The following LTBP1 variants were observed in gnomAD, a reference collection of about 807,000 sequenced individuals.
The protein encoded by LTBP1 is latent transforming growth factor beta binding protein 1.
A neutral mutation model predicts 207.6 loss-of-function variants in LTBP1; 129 were observed. The ratio of observed to expected loss-of-function variants is 0.62; its 90% CI spans 0.54 to 0.72. The LOEUF is 0.72. LTBP1 is among the 30% of genes least tolerant of loss of function. The pLI, the probability that LTBP1 is intolerant of heterozygous loss-of-function variation, is 0.00. For missense variants in LTBP1, 2,281 were observed against 2,217.2 expected, an observed-to-expected ratio of 1.03 and a Z score of -0.58; for synonymous variants, 963 against 833.7, an observed-to-expected ratio of 1.16 and a Z score of -2.67.
intron 7 of LTBP1, among the ~76,000 whole-genome samples, chr2:33,214,852 C>T (rs955547674): frequency 6.7e-6 from 1 of 150,232 alleles, no homozygotes; most frequent in Admixed American, 6.6e-5. Context: ...CCCAGAATTA[C>T]GTGTTTTTTC....
At position 33,222,115 on chromosome 2, in the gene LTBP1, C is replaced by T; in HGVS notation, c.1840C>T (p.Pro614Ser). 6.2e-7 allele frequency: 1 copy of T among 1,612,882 alleles called. No individual in the cohort carries two copies. Among genetic ancestry groups the T allele is most frequent in the Non-Finnish European group, 8.5e-7 (1 of 1,178,860 alleles). Reference protein sequence around the residue: ...HGYNQMMECLPGYKRVNNTFC... With the variant: ...HGYNQMMECLSGYKRVNNTFC... ...ATACAACCAAATGATGGAATGCCTA[C>T]CGGGTTATAAGCGGGTTAACAACAC... Residue 614 changes from proline to serine, a missense_variant, in exon 9 of 34, where the codon CCG becomes TCG. By Grantham distance (74) the Pro-to-Ser change is moderately conservative (BLOSUM62 -1). Around this residue, in one of 3 missense-constraint regions of LTBP1, gnomAD observed 1,671 missense variants for 1,634.8 expected, o/e 1.02. Coordinates refer to ENST00000404816, the MANE Select transcript of LTBP1 (RefSeq NM_206943.4).
chr2:33,362,826 T>A (rs114513505), intron 28 of LTBP1, among the ~76,000 whole-genome samples: 76 of 152,304 alleles, frequency 5.0e-4, no homozygotes, highest in African/African-American at 1.8e-3. Context: ...TCATCCTTCC[T>A]CTCTTATTAG....
At chr2:33,397,524 T>TTTTTGG (rs2095369842) in intron 33 of LTBP1, among the ~76,000 whole-genome samples, 1 of 148,852 alleles carries the variant, frequency 6.7e-6, no homozygotes, top group Non-Finnish European at 1.5e-5. Flanking sequence ...TTTTTTTTTT[T>TTTTTGG]GAGATGGAGT....
At chr2:32,959,624 T>A (rs866821747) in intron 2 of LTBP1, among the ~76,000 whole-genome samples, 1,111 of 110,264 alleles carry the variant, frequency 0.01, 21 homozygotes, top group African/African-American at 0.025. Flanking sequence ...TATATATATT[T>A]TTTTTTTTTT....
intron 3 of LTBP1, among the ~76,000 whole-genome samples, chr2:33,026,289 T>C (rs1283517251): frequency 6.6e-6 from 1 of 152,158 alleles, no homozygotes; most frequent in Non-Finnish European, 1.5e-5. Context: ...CTCCCAGGTT[T>C]CTCTTGTGTG....
intron 11 of LTBP1, among the ~76,000 whole-genome samples, chr2:33,254,087 G>A (rs1027557126): frequency 2.0e-5 from 3 of 151,952 alleles, no homozygotes; most frequent in South Asian, 2.1e-4. Context: ...TAGAGACGGA[G>A]TTTGACTGTG....
At chr2:33,153,774 G>T (rs758604228) in intron 5 of LTBP1, among the ~76,000 whole-genome samples, 3 of 152,044 alleles carry the variant, frequency 2.0e-5, no homozygotes, top group Non-Finnish European at 2.9e-5. Flanking sequence ...TCTTCACATG[G>T]AATTAAAGAA....
intron 2 of LTBP1, among the ~76,000 whole-genome samples, chr2:32,952,621 TTTGCCTCC>T (rs1348842505): frequency 2.0e-5 from 3 of 152,212 alleles, no homozygotes; most frequent in Non-Finnish European, 4.4e-5. Context: ...GTGTAACATT[TTTGCCTCC>T]TATCATTTTT....
chr2:32,948,787 G>T, intron 1 of LTBP1, 88 bp from the exon 2 acceptor site: 1 of 1,235,548 alleles, frequency 8.1e-7, no homozygotes, highest in East Asian at 2.3e-5. Context: ...GAAGCTGGAG[G>T]CTGGCCTTTC....
intron 17 of LTBP1, among the ~76,000 whole-genome samples, chr2:33,275,351 A>G (rs2093403844): frequency 6.6e-6 from 1 of 152,222 alleles, no homozygotes; most frequent in South Asian, 2.1e-4. Flanking sequence ...TCAAAACTGG[A>G]TGATTTTGAT....
intron 24 of LTBP1, chr2:33,317,746 C>G (rs894610566): frequency 6.6e-6 from 1 of 152,184 alleles, no homozygotes; most frequent in African/African-American, 2.4e-5. Context: ...CTGACCTGCC[C>G]GGCTCTAAGC....
chr2:33,398,578 C>A lies in LTBP1; in HGVS notation c.*33C>A, dbSNP rs748497733. 2 of 1,584,854 alleles carry A rather than the reference C, an allele frequency of 1.3e-6. No homozygotes were observed. The highest frequency in any genetic ancestry group is 1.1e-5 in the South Asian group (1 of 87,528). On this transcript the variant is annotated 3_prime_UTR_variant, in exon 34 of 34. Coordinates refer to ENST00000404816, the MANE Select transcript of LTBP1 (RefSeq NM_206943.4). ...TCTACATAACCTAAGCCCATATACTCTGCACTGTGTAAAGGAAAAGGGAGA... is the reference window on the plus strand; with the variant it reads ...TCTACATAACCTAAGCCCATATACTATGCACTGTGTAAAGGAAAAGGGAGA...
rs553644410 is a variant in LTBP1 at position 33,307,163 on chromosome 2, A to G, written c.3482-2271A>G. ...TGTAGAGCTGTCAGAGTAAATGTGG[A>G]ACAATCGGAGTTCTCATATGTTTCC... On this transcript the variant is annotated intron_variant, in intron 22 of 33. Coordinates refer to ENST00000404816, the MANE Select transcript of LTBP1 (RefSeq NM_206943.4). 1.4e-3 allele frequency among the ~76,000 whole-genome samples: 210 copies of G among 152,346 alleles called. 1 individual carries two copies. Among genetic ancestry groups the G allele is most frequent in the African/African-American group, 4.5e-3 (187 of 41,580 alleles).
chr2:32,977,699 C>T (rs1333825901), intron 2 of LTBP1, among the ~76,000 whole-genome samples: 4 of 152,178 alleles, frequency 2.6e-5, no homozygotes. Flanking sequence ...TGTGAATCCC[C>T]TGAGGGGCTC....
At chr2:32,961,115 T>C (rs1032189693) in intron 2 of LTBP1, among the ~76,000 whole-genome samples, 2 of 152,232 alleles carry the variant, frequency 1.3e-5, no homozygotes, top group Admixed American at 1.3e-4. Flanking sequence ...TAGATCACTT[T>C]GATTGCTATT....
chr2:33,181,270 T>C (rs1295064387), intron 5 of LTBP1, among the ~76,000 whole-genome samples: 2 of 152,188 alleles, frequency 1.3e-5, no homozygotes, highest in Non-Finnish European at 2.9e-5. Context: ...TTTTAGAAAA[T>C]TCAGTTTGCC....
intron 3 of LTBP1, among the ~76,000 whole-genome samples, chr2:33,073,492 C>T (rs1371357829): frequency 6.6e-6 from 1 of 152,102 alleles, no homozygotes; most frequent in Non-Finnish European, 1.5e-5. Flanking sequence ...AACTGCAACG[C>T]TTTTTGAAGA....
intron 3 of LTBP1, among the ~76,000 whole-genome samples, chr2:33,043,228 G>T (rs1356100321): frequency 6.6e-6 from 1 of 152,104 alleles, no homozygotes; most frequent in Non-Finnish European, 1.5e-5. Context: ...TAAAGTAGTG[G>T]GATTGAGCCC....
In LTBP1 at chr2:33,263,374, G is replaced by A; in HGVS notation, c.2599G>A (p.Ala867Thr). 6.2e-7 allele frequency: 1 copy of A among 1,613,546 alleles called. No homozygotes were observed. ...TACGTCTAGTGCCAGCCAAGTGATTGCTCCTACTCAAGTGACAGGTTGGTG... is the reference window on the plus strand; with the variant it reads ...TACGTCTAGTGCCAGCCAAGTGATTACTCCTACTCAAGTGACAGGTTGGTG... The part of the protein sequence containing the change: ...ASTSSASQVI[A>T]PTQVTEINEC... The change falls in exon 15 of 34, where the codon GCT becomes ACT. Residue 867 changes from alanine to threonine, a missense_variant. By Grantham distance (58) the Ala-to-Thr change is moderately conservative (BLOSUM62 0). Coordinates refer to ENST00000404816, the MANE Select transcript of LTBP1 (RefSeq NM_206943.4).
Sources: allele counts gnomAD v4.1 joint callset (sites outside exome capture counted in the v4.1 genomes callset), GRCh38; gene constraint gnomAD v4.1.1; regional missense constraint gnomAD v4.1.1; transcripts MANE v1.5; gene names NCBI Gene and HGNC (gene_info 2026-07-23, HGNC 2026-07-21).